Variants in UNC13B observed in about 807,000 individuals in gnomAD.
UNC13B encodes protein unc-13 homolog B.
A neutral mutation model predicts 211.0 loss-of-function variants in UNC13B; 144 were observed. That is an observed-to-expected ratio of 0.68 (90% CI 0.60 to 0.78). The LOEUF is 0.78. Ranked by LOEUF, UNC13B falls within the 30% of genes least tolerant of loss-of-function variation. The pLI is 0.00. For synonymous variants in UNC13B, 709 were observed against 725.8 expected, an observed-to-expected ratio of 0.98 and a Z score of 0.37; for missense variants, 1,777 against 2,002.0, an observed-to-expected ratio of 0.89 and a Z score of 2.14.
rs1427114225 is a variant in UNC13B, at chr9:35,227,995, T to A, written c.23-20T>A. 2 of 1,610,200 alleles carry A rather than the reference T, an allele frequency of 1.2e-6. No homozygotes were observed. Among genetic ancestry groups the A allele is most frequent in the African/African-American group, 1.3e-5 (1 of 74,790 alleles). On this transcript the variant is annotated intron_variant, in intron 1 of 39. Coordinates refer to ENST00000635942, the MANE Select transcript of UNC13B (RefSeq NM_001371189.2). ...GAACTTGGAAACATTCTTCATGGTA[T>A]CCTCTTTTTTCTCTTGCAGTTAAAA...
Position 35,313,992 on chromosome 9 carries a change from A to G in UNC13B, c.9414+3A>G. The stretch of plus-strand genomic sequence containing the variant: ...AGGTTCGACTCCAGCTGCAGGAGGT[A>G]GGAAATCTGTTCTAGTACTGGTTGG... On this transcript the variant is annotated splice_donor_region_variant and intron_variant, in intron 11 of 39. Coordinates refer to ENST00000635942, the MANE Select transcript of UNC13B (RefSeq NM_001371189.2). 6.2e-7 allele frequency: 1 copy of G among 1,612,398 alleles called. No homozygotes were observed. Among genetic ancestry groups the G allele is most frequent in the Non-Finnish European group, 8.5e-7 (1 of 1,178,508 alleles).
chr9:35,244,560 T>G (rs1189486132), intron 6 of UNC13B, among the ~76,000 whole-genome samples: 1 of 152,168 alleles, frequency 6.6e-6, no homozygotes, highest in Non-Finnish European at 1.5e-5. Context: ...CTCTTCTGCC[T>G]CTGATGGTTG....
chr9:35,211,617 G>A (rs767221631), intron 1 of UNC13B, among the ~76,000 whole-genome samples: 3 of 152,108 alleles, frequency 2.0e-5, no homozygotes, highest in Non-Finnish European at 2.9e-5. Context: ...TACTGGGAGA[G>A]CACAGGTCTG....
chr9:35,303,817 A>C lies in UNC13B; in HGVS notation c.4413A>C (p.Leu1471Phe). 2.5e-6 allele frequency: 1 copy of C among 398,802 alleles called. No individual in the cohort carries two copies. Among genetic ancestry groups the C allele is most frequent in the Non-Finnish European group, 4.4e-6 (1 of 225,854 alleles). 24.7% of individuals were successfully genotyped at this position (398,802 alleles called of 1,614,324 possible). A position where few individuals can be genotyped will look rare whatever the true frequency, so the allele number is the denominator to read the frequency against. ...INEANNSLEELPIDLSSSSDH... is the reference protein window; with the variant it reads ...INEANNSLEEFPIDLSSSSDH... The stretch of plus-strand genomic sequence containing the variant: ...AGGCTAATAATTCACTAGAAGAATT[A>C]CCCATTGACTTAAGTTCTTCATCAG... The change falls in exon 9 of 40, where the codon TTA (leucine) becomes TTC (phenylalanine). Residue 1471 changes from leucine (L) to phenylalanine (F), a missense_variant. Transcript: ENST00000635942.
At chr9:35,232,297 T>C (rs1050593338) in intron 3 of UNC13B, among the ~76,000 whole-genome samples, 2 of 150,444 alleles carry the variant, frequency 1.3e-5, no homozygotes, top group Non-Finnish European at 3.0e-5. Context: ...CTTCTTGCCT[T>C]AGCCTCCTGA....
Position 35,234,567 on chromosome 9 carries a change from C to T in UNC13B, c.153-1902C>T, listed in dbSNP as rs148931754. ...AGTTTCTCCACTGTGAACACTGTAA[C>T]TTAGTGGCTAGGCTTATTCATCTAC... On this transcript the variant is annotated intron_variant, in intron 3 of 39. Transcript: ENST00000635942. Among the ~76,000 whole-genome samples the T allele has an allele frequency of 1.4e-4, 21 of 152,262 alleles. No individual in the cohort carries two copies. The East Asian group carries it at 3.7e-3, about 27-fold the overall frequency.
In UNC13B at chr9:35,189,377, G is replaced by A. The variant is rs147508675; in HGVS notation, c.22+27072G>A. 5.3e-5 allele frequency among the ~76,000 whole-genome samples: 8 copies of A among 152,254 alleles called. No homozygotes were observed. In the South Asian group the frequency reaches 1.4e-3, roughly 28 times the overall value. On this transcript the variant is annotated intron_variant, in intron 1 of 39. Transcript: ENST00000635942. The stretch of plus-strand genomic sequence containing the variant: ...ACCCTCTTCAGCATCTAACTTTCAC[G>A]TGTCCCAGGCCTTACCTATCTGTAA...
chr9:35,399,506 G>T, intron 35 of UNC13B, 58 bp downstream of exon 35: 1 of 1,611,472 alleles, frequency 6.2e-7, no homozygotes, highest in Non-Finnish European at 8.5e-7. Context: ...CATGGAGAGA[G>T]GGTGGCTGCG....
chr9:35,338,413 T>C (rs952779616), intron 11 of UNC13B, among the ~76,000 whole-genome samples: 2 of 152,098 alleles, frequency 1.3e-5, no homozygotes, highest in African/African-American at 2.4e-5. Flanking sequence ...ATCAGTAAAG[T>C]CAGCACATCT....
intron 16 of UNC13B, 59 bp from the exon 17 acceptor site, chr9:35,378,236 T>G (rs1834571411): frequency 6.2e-7 from 1 of 1,606,524 alleles, no homozygotes; most frequent in Admixed American, 1.7e-5. Flanking sequence ...AGCATATGAG[T>G]AGTGTTGTGG....
At chr9:35,334,075 C>T (rs1831517701) in intron 11 of UNC13B, among the ~76,000 whole-genome samples, 1 of 151,928 alleles carries the variant, frequency 6.6e-6, no homozygotes, top group Non-Finnish European at 1.5e-5. Flanking sequence ...AAGTGATTCT[C>T]CTGCCTCAGC....
chr9:35,259,077 T>C (rs1361600285), intron 7 of UNC13B, 27 bp downstream of exon 7: 15 of 1,611,840 alleles, frequency 9.3e-6, no homozygotes, highest in Non-Finnish European at 1.3e-5. Flanking sequence ...TCTATGAATC[T>C]CTTTTAATTG....
intron 11 of UNC13B, among the ~76,000 whole-genome samples, chr9:35,315,647 A>G (rs926926467): frequency 2.0e-5 from 3 of 152,216 alleles, no homozygotes; most frequent in Admixed American, 1.3e-4. Context: ...AACAATAACA[A>G]CACTATTATC....
chr9:35,276,003 G>A (rs1218295206), intron 7 of UNC13B, among the ~76,000 whole-genome samples: 2 of 151,970 alleles, frequency 1.3e-5, no homozygotes, highest in Admixed American at 6.6e-5. Flanking sequence ...CTGTTCTAAG[G>A]ATTTATTTAA....
chr9:35,308,201 G>A lies in UNC13B; in HGVS notation c.8797G>A (p.Ala2933Thr). Residue 2933 changes from alanine (A) to threonine (T), a missense_variant, in exon 9 of 40, where the codon GCA (alanine) becomes ACA (threonine). Physicochemically the swap from Ala to Thr is moderately conservative, Grantham distance 58. Coordinates refer to ENST00000635942, the MANE Select transcript of UNC13B (RefSeq NM_001371189.2). ...AGGGGGAAACCAGCAGGAAATCTCA[G>A]CATCTGGAGAACACTGGGATACCAA... Reference protein sequence around the residue: ...GEGGNQQEISASGEHWDTKAN... With the variant: ...GEGGNQQEISTSGEHWDTKAN... 2.5e-6 allele frequency: 1 copy of A among 399,768 alleles called. No individual in the cohort carries two copies. Among genetic ancestry groups the A allele is most frequent in the Non-Finnish European group, 4.4e-6 (1 of 226,708 alleles). 24.8% of individuals were successfully genotyped at this position (399,768 alleles called of 1,614,324 possible).
In UNC13B at chr9:35,380,558, C is replaced by G; in HGVS notation, c.10294C>G (p.Arg3432Gly). Reference sequence around the variant, plus strand: ...GTCAAGAGTAAAGCAACGCCTAAAGCGAGAGTCTGATGATTTCCTTGGCCA... The same window carrying G: ...GTCAAGAGTAAAGCAACGCCTAAAGGGAGAGTCTGATGATTTCCTTGGCCA... ...IKSRVKQRLK[R>G]ESDDFLGQTI... Residue 3432 changes from arginine (R) to glycine (G), a missense_variant, in exon 18 of 40, where the codon CGA (arginine) becomes GGA (glycine). Coordinates refer to ENST00000635942, the MANE Select transcript of UNC13B (RefSeq NM_001371189.2). 6.2e-7 allele frequency: 1 copy of G among 1,614,184 alleles called. No homozygotes were observed. The highest frequency in any genetic ancestry group is 8.5e-7 in the Non-Finnish European group (1 of 1,180,030).
At chr9:35,176,015 GACTCTGTCT>G (rs1821610451) in intron 1 of UNC13B, among the ~76,000 whole-genome samples, 1 of 99,196 alleles carries the variant, frequency 1.0e-5, no homozygotes, top group African/African-American at 4.1e-5. Flanking sequence ...GACAAAGTAA[GACTCTGTCT>G]CAAAAAAAAA....
chr9:35,398,164 C>G, intron 30 of UNC13B, 47 bp from the exon 31 acceptor site: 1 of 1,581,958 alleles, frequency 6.3e-7, no homozygotes, highest in South Asian at 1.1e-5. Context: ...CTAATGGGTC[C>G]TATGCTGAAA....
At chr9:35,178,229 C>T (rs1489563859) in intron 1 of UNC13B, among the ~76,000 whole-genome samples, 1 of 152,106 alleles carries the variant, frequency 6.6e-6, no homozygotes, top group African/African-American at 2.4e-5. Context: ...AATACTATTG[C>T]TGGGCACAGT....
Sources: allele counts gnomAD v4.1 joint callset (sites outside exome capture counted in the v4.1 genomes callset), GRCh38; gene constraint gnomAD v4.1.1; transcripts MANE v1.5; gene names NCBI Gene and HGNC (gene_info 2026-07-23, HGNC 2026-07-21).